Variants in MAGI2 observed in about 807,000 individuals in gnomAD.
The protein encoded by MAGI2 is membrane associated guanylate kinase, WW and PDZ domain containing 2.
Under a neutral mutation model 133.3 loss-of-function variants are expected in MAGI2, and 35 were observed. The ratio of observed to expected loss-of-function variants is 0.26; its 90% CI spans 0.20 to 0.35. The LOEUF (loss-of-function observed/expected upper bound fraction) is 0.35, where lower values mean the gene tolerates loss of function less well. Ranked by LOEUF, MAGI2 falls within the 10% of genes least tolerant of loss-of-function variation. The pLI, the probability that MAGI2 is intolerant of heterozygous loss-of-function variation, is 1.00. For missense variants in MAGI2, 1,636 were observed against 1,863.4 expected, an observed-to-expected ratio of 0.88 and a Z score of 2.25; for synonymous variants, 729 against 710.6, an observed-to-expected ratio of 1.03 and a Z score of -0.41.
intron 6 of MAGI2, among the ~76,000 whole-genome samples, chr7:78,438,476 A>C (rs1186521065): frequency 6.6e-6 from 1 of 152,164 alleles, no homozygotes. Context: ...ACATTTCACC[A>C]AAACACTTCA....
At position 79,246,782 on chromosome 7, in the gene MAGI2, A is replaced by G. The variant is rs188585707; in HGVS notation, c.301+206238T>C. Among the ~76,000 whole-genome samples, 7 of 152,344 alleles carry G rather than the reference A, an allele frequency of 4.6e-5. No individual in the cohort carries two copies. The East Asian group carries it at 1.2e-3, about 25-fold the overall frequency. ...ACTTCCCAAACCAGAGAAAGATACC[A>G]ATATTTAAGTACAAGAAAGTTATAG... On this transcript the variant is annotated intron_variant, in intron 1 of 21. Coordinates refer to ENST00000354212, the MANE Select transcript of MAGI2 (RefSeq NM_012301.4).
At chr7:78,501,133 T>C (rs1287619075) in intron 5 of MAGI2, among the ~76,000 whole-genome samples, 1 of 152,174 alleles carries the variant, frequency 6.6e-6, no homozygotes, top group Non-Finnish European at 1.5e-5. Context: ...ATTTTTTCTT[T>C]TGTGACCTAT....
chr7:79,233,911 T>A (rs79200546), intron 1 of MAGI2, among the ~76,000 whole-genome samples: 1 of 151,578 alleles, frequency 6.6e-6, no homozygotes, highest in African/African-American at 2.4e-5. Flanking sequence ...ACATTTTGGC[T>A]TGATTTTGCA....
At position 79,077,586 on chromosome 7, in the gene MAGI2, A is replaced by AT. The variant is rs1224670722; in HGVS notation, c.302-70381_302-70380insA. 5.9e-4 allele frequency among the ~76,000 whole-genome samples: 80 copies of AT among 135,566 alleles called. 7 individuals are homozygous for AT. In the East Asian group the frequency reaches 6.2e-3, roughly 11 times the overall value. 88.9% of individuals were successfully genotyped at this position (135,566 alleles called of 152,430 possible). On this transcript the variant is annotated intron_variant, in intron 1 of 21. Transcript: ENST00000354212. The stretch of plus-strand genomic sequence containing the variant: ...CGAGACTGCCTCTCAAAAAAAAAAA[A>AT]AAAAAAAAATAAATAAATAAATAAA...
intron 1 of MAGI2, among the ~76,000 whole-genome samples, chr7:79,440,351 C>T (rs1376284249): frequency 6.6e-6 from 1 of 151,994 alleles, no homozygotes; most frequent in African/African-American, 2.4e-5. Flanking sequence ...TTTTTGCATG[C>T]ATTGTTGGTA....
At chr7:78,850,927 G>GA (rs1026315369) in intron 2 of MAGI2, among the ~76,000 whole-genome samples, 3 of 151,468 alleles carry the variant, frequency 2.0e-5, no homozygotes, top group Non-Finnish European at 4.4e-5. Context: ...TTTTTTAAAG[G>GA]AAAAAAAGCC....
At chr7:78,879,674 A>C (rs920952358) in intron 2 of MAGI2, among the ~76,000 whole-genome samples, 2 of 152,122 alleles carry the variant, frequency 1.3e-5, no homozygotes, top group Admixed American at 1.3e-4. Context: ...TACCATAAAA[A>C]ATCTGAACAT....
At chr7:78,838,546 T>G (rs946237667) in intron 2 of MAGI2, among the ~76,000 whole-genome samples, 1 of 150,656 alleles carries the variant, frequency 6.6e-6, no homozygotes, top group Non-Finnish European at 1.5e-5. Flanking sequence ...GTCAGATTTC[T>G]AAATTATGGA....
chr7:78,952,350 T>C (rs1801938273), intron 2 of MAGI2, among the ~76,000 whole-genome samples: 2 of 152,176 alleles, frequency 1.3e-5, no homozygotes, highest in South Asian at 4.1e-4. Context: ...CTGAATAGTT[T>C]TTCTTGGTGA....
chr7:78,307,216 C>T (rs1798314446), intron 9 of MAGI2, among the ~76,000 whole-genome samples: 1 of 152,066 alleles, frequency 6.6e-6, no homozygotes, highest in Admixed American at 6.6e-5. Context: ...ATTTTATTTA[C>T]CCTTGTAAAA....
chr7:78,057,141 C>T lies in MAGI2; in HGVS notation c.3706+21806G>A, dbSNP rs112244785. On this transcript the variant is annotated intron_variant, in intron 21 of 21. Coordinates refer to ENST00000354212, the MANE Select transcript of MAGI2 (RefSeq NM_012301.4). ...TTCCATATTTAATTTTTTGAAGAAC[C>T]TCCATACCGTTTCCATAATGGCCAC... Among the ~76,000 whole-genome samples the T allele has an allele frequency of 6.5e-3, 987 of 151,362 alleles. 4 individuals are homozygous for T. The highest frequency in any genetic ancestry group is 0.01 in the Non-Finnish European group (704 of 67,886).
chr7:78,048,970 T>C (rs1811724119), intron 21 of MAGI2, among the ~76,000 whole-genome samples: 1 of 151,568 alleles, frequency 6.6e-6, no homozygotes, highest in Non-Finnish European at 1.5e-5. Context: ...TAGCCGGGCG[T>C]GGTGGCGTGC....
chr7:78,933,751 A>G (rs1180849470), intron 2 of MAGI2, among the ~76,000 whole-genome samples: 2 of 152,168 alleles, frequency 1.3e-5, no homozygotes, highest in Non-Finnish European at 2.9e-5. Context: ...AAAATAAGGA[A>G]TGTGCATTCA....
At chr7:78,030,406 G>A (rs562556041) in intron 21 of MAGI2, among the ~76,000 whole-genome samples, 1 of 152,092 alleles carries the variant, frequency 6.6e-6, no homozygotes, top group Admixed American at 6.5e-5. Flanking sequence ...ACAGGCACAC[G>A]CCACCAAGCC....
At chr7:78,922,296 G>C (rs974968756) in intron 2 of MAGI2, among the ~76,000 whole-genome samples, 13 of 151,422 alleles carry the variant, frequency 8.6e-5, no homozygotes, top group Admixed American at 6.6e-5. Flanking sequence ...CACCCATTAA[G>C]TCGTCATTTA....
Position 78,208,339 on chromosome 7 carries a change from G to A in MAGI2, c.2048-7146C>T, listed in dbSNP as rs79610561. On this transcript the variant is annotated intron_variant, in intron 10 of 21. Coordinates refer to ENST00000354212, the MANE Select transcript of MAGI2 (RefSeq NM_012301.4). ...CAAGTAATCCCAATGACTATCAAAA[G>A]GATAAATCTGCACATATTGTCTTCT... Among the ~76,000 whole-genome samples, 1,062 of 152,100 alleles carry A rather than the reference G, an allele frequency of 7.0e-3. 11 individuals carry two copies. The highest frequency in any genetic ancestry group is 0.024 in the African/African-American group (988 of 41,464).
intron 1 of MAGI2, among the ~76,000 whole-genome samples, chr7:79,192,717 G>A (rs1827779670): frequency 6.6e-6 from 1 of 151,840 alleles, no homozygotes; most frequent in Non-Finnish European, 1.5e-5. Flanking sequence ...TATAAAATAA[G>A]AGAGATACAA....
At chr7:78,511,464 A>G (rs1361010558) in intron 4 of MAGI2, among the ~76,000 whole-genome samples, 1 of 151,060 alleles carries the variant, frequency 6.6e-6, no homozygotes, top group African/African-American at 2.4e-5. Flanking sequence ...TTCTAAAATG[A>G]GAAGAATTCT....
intron 10 of MAGI2, among the ~76,000 whole-genome samples, chr7:78,213,911 C>G (rs1363723895): frequency 6.6e-6 from 1 of 152,142 alleles, no homozygotes; most frequent in Non-Finnish European, 1.5e-5. Flanking sequence ...ATACTACTCC[C>G]CCAACCTCCC....
Sources: allele counts gnomAD v4.1 joint callset (sites outside exome capture counted in the v4.1 genomes callset), GRCh38; gene constraint gnomAD v4.1.1; transcripts MANE v1.5; gene names NCBI Gene and HGNC (gene_info 2026-07-23, HGNC 2026-07-21).